The following BAZ1B variants were observed in gnomAD, a reference collection of about 807,000 sequenced individuals.
The protein encoded by BAZ1B is tyrosine-protein kinase BAZ1B.
In BAZ1B, 22 loss-of-function variants were observed where a neutral mutation model predicts 153.8. The ratio of observed to expected loss-of-function variants is 0.14; its 90% CI spans 0.10 to 0.20. The LOEUF (loss-of-function observed/expected upper bound fraction) is 0.20. BAZ1B is among the 10% of genes least tolerant of loss of function. The pLI is 1.00. For synonymous variants in BAZ1B, 676 were observed against 633.4 expected (o/e 1.07, Z -1.01); for missense variants, 1,325 against 1,799.3 (o/e 0.74, Z 4.77).
chr7:73,461,341 C>T (rs1427653925), intron 12 of BAZ1B, among the ~76,000 whole-genome samples: 2 of 152,268 alleles, frequency 1.3e-5, no homozygotes, highest in East Asian at 3.9e-4. Flanking sequence ...TAAAAAATGT[C>T]CTTAAATACT....
chr7:73,492,910 G>A lies in BAZ1B; in HGVS notation c.583C>T (p.Arg195Cys). Residue 195 changes from arginine (R) to cysteine (C), a missense_variant, in exon 5 of 20, where the codon CGT (arginine) becomes TGT (cysteine). Around this residue, in one of 9 missense-constraint regions of BAZ1B, gnomAD observed 153 missense variants for 204.8 expected, o/e 0.75. Transcript: ENST00000339594. The stretch of plus-strand genomic sequence containing the variant: ...GTAGGAAGTTTTCGTGGCGATCTAC[G>A]TGCTCTGTCATCTAGTCAAATCATA... ...GRRESINDRA[R>C]RSPRKLPTSL... is the part of the protein sequence containing the mutation. 6.2e-7 allele frequency: 1 copy of A among 1,603,950 alleles called. No homozygotes were observed. Among genetic ancestry groups the A allele is most frequent in the Non-Finnish European group, 8.5e-7 (1 of 1,177,278 alleles).
At chr7:73,495,809 TG>T (rs1789854799) in intron 4 of BAZ1B, among the ~76,000 whole-genome samples, 1 of 152,126 alleles carries the variant, frequency 6.6e-6, no homozygotes, top group Non-Finnish European at 1.5e-5. Flanking sequence ...TGTTCTCACT[TG>T]TAAGTGGGAG....
chr7:73,473,904 G>A (rs933120222), intron 7 of BAZ1B, among the ~76,000 whole-genome samples: 58 of 152,208 alleles, frequency 3.8e-4, no homozygotes, highest in African/African-American at 1.3e-3. Flanking sequence ...GGTCAAGGCT[G>A]CAGTGAGCTG....
intron 3 of BAZ1B, among the ~76,000 whole-genome samples, chr7:73,503,989 T>G (rs1323309742): frequency 6.6e-6 from 1 of 152,158 alleles, no homozygotes; most frequent in Admixed American, 6.6e-5. Context: ...GCAGCTACTC[T>G]TTTCTAGTTC....
chr7:73,514,533 C>CAAAA (rs561236136), intron 1 of BAZ1B, among the ~76,000 whole-genome samples: 1 of 78,446 alleles, frequency 1.3e-5, no homozygotes. Flanking sequence ...AACTCAGTCT[C>CAAAA]AAAAAAAAAA....
At chr7:73,478,666 G>A in intron 6 of BAZ1B, 97 bp from the exon 7 acceptor site, 1 of 1,041,372 alleles carries the variant, frequency 9.6e-7, no homozygotes, top group Non-Finnish European at 1.3e-6. Flanking sequence ...CAGCTATTCA[G>A]GTAAAGCTAC....
intron 3 of BAZ1B, among the ~76,000 whole-genome samples, chr7:73,500,258 C>T (rs1294652371): frequency 6.6e-6 from 1 of 152,166 alleles, no homozygotes; most frequent in Non-Finnish European, 1.5e-5. Flanking sequence ...AAAACACTGG[C>T]CAGGCATGGT....
chr7:73,456,437 AAG>A (rs1788202238), intron 13 of BAZ1B, among the ~76,000 whole-genome samples: 1 of 152,234 alleles, frequency 6.6e-6, no homozygotes, highest in East Asian at 1.9e-4. Flanking sequence ...AGGACATATA[AAG>A]AACTCCTACA....
At chr7:73,447,133 G>A (rs1027669858) in intron 16 of BAZ1B, 131 bp downstream of exon 16, 18 of 1,525,512 alleles carry the variant, frequency 1.2e-5, no homozygotes, top group Admixed American at 1.8e-5. Context: ...GCTAAGTTAC[G>A]CCACAGTCAC....
intron 8 of BAZ1B, 109 bp downstream of exon 8, chr7:73,470,236 G>T: frequency 8.1e-7 from 1 of 1,233,238 alleles, no homozygotes; most frequent in East Asian, 2.4e-5. Flanking sequence ...AAAAAGAATT[G>T]GAAAACTGAA....
At position 73,477,616 on chromosome 7, in the gene BAZ1B, T is replaced by C. The variant is rs201813111; in HGVS notation, c.1845A>G (p.Glu615=). Residue 615 remains glutamate (E), a synonymous_variant, in exon 7 of 20, where the codon GAA becomes GAG. Coordinates refer to ENST00000339594, the MANE Select transcript of BAZ1B (RefSeq NM_032408.4). The surrounding 1 kb of genome is among the most constrained non-coding windows in gnomAD (Gnocchi z 5.6). ...TLFGDVAMVV[E]FLSCYSGLLL... Reference sequence around the variant, plus strand: ...GTAGCCCAGAATAACAGCTCAAGAATTCCACCACCATGGCCACATCCCCAA... The same window carrying C: ...GTAGCCCAGAATAACAGCTCAAGAACTCCACCACCATGGCCACATCCCCAA... 6.2e-7 allele frequency: 1 copy of C among 1,614,186 alleles called. No individual in the cohort carries two copies. Among genetic ancestry groups the C allele is most frequent in the East Asian group, 2.2e-5 (1 of 44,882 alleles).
chr7:73,459,204 C>T (rs1229303259), intron 13 of BAZ1B, among the ~76,000 whole-genome samples: 1 of 150,728 alleles, frequency 6.6e-6, no homozygotes, highest in Non-Finnish European at 1.5e-5. Flanking sequence ...GCTGAGATTG[C>T]ACCACTGCAC....
At position 73,442,474 on chromosome 7, in the gene BAZ1B, T is replaced by G; in HGVS notation, c.4174A>C (p.Lys1392Gln). Residue 1392 changes from lysine (K) to glutamine (Q), a missense_variant, in exon 19 of 20, where the codon AAA becomes CAA. Lys to Gln is a moderately conservative substitution (Grantham distance 53). Coordinates refer to ENST00000339594, the MANE Select transcript of BAZ1B (RefSeq NM_032408.4). The stretch of plus-strand genomic sequence containing the variant: ...GAGCGGTAGCTCCCACAGGAACATT[T>G]GTTCTGCACTGTCTGAAAGTCCATG... ...HPMDFQTVQN[K>Q]CSCGSYRSVQ... 6.2e-7 allele frequency: 1 copy of G among 1,614,214 alleles called. No homozygotes were observed. Among genetic ancestry groups the G allele is most frequent in the Non-Finnish European group, 8.5e-7 (1 of 1,180,040 alleles).
chr7:73,497,877 C>T (rs1789977622), intron 4 of BAZ1B, among the ~76,000 whole-genome samples: 2 of 151,976 alleles, frequency 1.3e-5, no homozygotes, highest in African/African-American at 4.8e-5. Context: ...ATTTCCACTT[C>T]AAGACGAAAG....
At chr7:73,488,229 A>G (rs1343423077) in intron 6 of BAZ1B, among the ~76,000 whole-genome samples, 1 of 152,162 alleles carries the variant, frequency 6.6e-6, no homozygotes, top group Non-Finnish European at 1.5e-5. Flanking sequence ...TACTTTCAAA[A>G]CCTACATTAA....
At chr7:73,465,570 A>G in intron 10 of BAZ1B, 33 bp from the exon 11 acceptor site, 2 of 1,246,614 alleles carry the variant, frequency 1.6e-6, no homozygotes, top group Admixed American at 2.4e-5. Context: ...ATAACTCTGA[A>G]AAAAAAAAAA....
chr7:73,465,568 G>GAA (rs60386137), intron 10 of BAZ1B, 31 bp from the exon 11 acceptor site: 2,208 of 970,992 alleles, frequency 2.3e-3, no homozygotes, highest in South Asian at 4.2e-3. Context: ...TGATAACTCT[G>GAA]AAAAAAAAAA....
chr7:73,474,292 A>G (rs2116327573), intron 7 of BAZ1B, among the ~76,000 whole-genome samples: 1 of 152,358 alleles, frequency 6.6e-6, no homozygotes, highest in South Asian at 2.1e-4. Flanking sequence ...TGAAAATAAA[A>G]GACCTAAATT....
intron 1 of BAZ1B, among the ~76,000 whole-genome samples, chr7:73,513,875 A>C (rs1790683759): frequency 6.6e-6 from 1 of 151,358 alleles, no homozygotes; most frequent in African/African-American, 2.4e-5. Flanking sequence ...TATTAAAAGA[A>C]AAAAAAAAAC....
Sources: allele counts gnomAD v4.1 joint callset (sites outside exome capture counted in the v4.1 genomes callset), GRCh38; gene constraint gnomAD v4.1.1; regional missense constraint gnomAD v4.1.1; non-coding constraint Gnocchi (gnomAD v3.1); transcripts MANE v1.5; gene names NCBI Gene and HGNC (gene_info 2026-07-23, HGNC 2026-07-21).